The following CABIN1 variants were observed in gnomAD, a reference collection of about 807,000 sequenced individuals.
The protein encoded by CABIN1 is calcineurin binding protein 1, also known as calcineurin-binding protein cabin-1.
CABIN1 carries 133 observed loss-of-function variants against 227.7 expected under a neutral mutation model. The observed-to-expected ratio is 0.58, with a 90% CI of 0.51 to 0.67. The LOEUF is 0.67. Among genes scored for constraint, CABIN1 ranks in the 30% least tolerant of loss-of-function variants. The pLI is 0.00. For synonymous variants in CABIN1, 1,086 were observed against 1,155.1 expected (o/e 0.94, Z 1.21); for missense variants, 2,408 against 2,852.5 (o/e 0.84, Z 3.55).
chr22:24,098,303 T>C (rs2042015823), intron 26 of CABIN1, 111 bp downstream of exon 26: 2 of 1,584,900 alleles, frequency 1.3e-6, no homozygotes, highest in Non-Finnish European at 1.7e-6. Context: ...GTGCTGGGTC[T>C]GGGGTGACAC....
chr22:24,106,816 T>G (rs1227232764), intron 26 of CABIN1, among the ~76,000 whole-genome samples: 1 of 152,238 alleles, frequency 6.6e-6, no homozygotes, highest in African/African-American at 2.4e-5. Context: ...AAGAGCTTTT[T>G]CATTCATCCC....
At chr22:24,076,931 G>C (rs560668228) in intron 19 of CABIN1, among the ~76,000 whole-genome samples, 6 of 152,256 alleles carry the variant, frequency 3.9e-5, no homozygotes, top group Non-Finnish European at 7.4e-5. Flanking sequence ...AGGGACCTCA[G>C]ACCCAGCCTA....
chr22:24,035,403 C>T (rs2036791546), intron 1 of CABIN1, 41 bp from the exon 2 acceptor site: 4 of 1,417,632 alleles, frequency 2.8e-6, no homozygotes, highest in Non-Finnish European at 4.0e-6. Context: ...CTTCCTGGCT[C>T]TTCATAGGCC....
chr22:24,074,367 G>T (rs917936669), intron 18 of CABIN1, among the ~76,000 whole-genome samples: 3 of 152,214 alleles, frequency 2.0e-5, no homozygotes, highest in Admixed American at 1.3e-4. Context: ...AAAAAAGAAA[G>T]ATTCTGGTGG....
At chr22:24,032,233 C>A (rs1236612085) in intron 1 of CABIN1, among the ~76,000 whole-genome samples, 2 of 152,218 alleles carry the variant, frequency 1.3e-5, no homozygotes, top group African/African-American at 4.8e-5. Context: ...TAAGTGGAAT[C>A]ATATAATATT....
chr22:24,089,565 G>A (rs1490276419), intron 23 of CABIN1, among the ~76,000 whole-genome samples: 1 of 152,202 alleles, frequency 6.6e-6, no homozygotes, highest in African/African-American at 2.4e-5. Flanking sequence ...TGCCGAGGGT[G>A]AAAACTACCT....
rs2042932160 is a variant in CABIN1, at chr22:24,113,758, C to T, written c.4300+10C>T. On this transcript the variant is annotated intron_variant, in intron 27 of 36. Transcript: ENST00000263119. The stretch of plus-strand genomic sequence containing the variant: ...GCCACAGAAGAAAGAGGTATGAAGC[C>T]CTAACTCGGTGAATTAGAACCACTT... 1 of 1,613,540 alleles carries T rather than the reference C, an allele frequency of 6.2e-7. No homozygotes were observed. The highest frequency in any genetic ancestry group is 1.7e-5 in the Admixed American group (1 of 60,010).
chr22:24,043,120 G>A, intron 6 of CABIN1, 36 bp downstream of exon 6: 2 of 1,604,086 alleles, frequency 1.2e-6, no homozygotes, highest in South Asian at 2.2e-5. Flanking sequence ...CCATGTGCCA[G>A]TGGTTTTTGG....
At chr22:24,048,241 T>C (rs1007028567) in intron 6 of CABIN1, among the ~76,000 whole-genome samples, 3 of 152,206 alleles carry the variant, frequency 2.0e-5, no homozygotes, top group Admixed American at 2.0e-4. Context: ...ATGTGTATAA[T>C]GGAGTCACAC....
rs146205629 is a variant in CABIN1, at chr22:24,148,743, G to A, written c.4746+14328G>A. Among the ~76,000 whole-genome samples, 509 of 152,352 alleles carry A rather than the reference G, an allele frequency of 3.3e-3. 2 individuals are homozygous for A. The highest frequency in any genetic ancestry group is 5.8e-3 in the Non-Finnish European group (393 of 68,036). On this transcript the variant is annotated intron_variant, in intron 29 of 36. Coordinates refer to ENST00000263119, the MANE Select transcript of CABIN1 (RefSeq NM_012295.4). The stretch of plus-strand genomic sequence containing the variant: ...ATGGAAAACAGATGAAAGGGCAGCT[G>A]TTCCAGCAGAGGCAGGAAGGGCCAG...
At chr22:24,098,289 G>A (rs963975418) in intron 26 of CABIN1, 97 bp downstream of exon 26, 2 of 1,572,178 alleles carry the variant, frequency 1.3e-6, no homozygotes, top group African/African-American at 1.3e-5. Flanking sequence ...TTTGGTGAGG[G>A]GGGGTGCTGG....
chr22:24,085,447 G>A lies in CABIN1; in HGVS notation c.3263+296G>A, dbSNP rs143971013. Among the ~76,000 whole-genome samples, 336 of 152,336 alleles carry A rather than the reference G, an allele frequency of 2.2e-3. 4 individuals are homozygous for A. Among genetic ancestry groups the A allele is most frequent in the African/African-American group, 7.8e-3 (323 of 41,568 alleles). ...TGGACCCTGGTGTGCAGGGCAAGGA[G>A]GCGCAACCTGGCTCCATCCTGTTGG... On this transcript the variant is annotated intron_variant, in intron 22 of 36. Transcript: ENST00000263119.
intron 24 of CABIN1, among the ~76,000 whole-genome samples, chr22:24,094,481 G>A (rs967309545): frequency 3.9e-5 from 6 of 152,190 alleles, no homozygotes; most frequent in Non-Finnish European, 8.8e-5. Context: ...TTGTAGCTAT[G>A]TAACTTTGAG....
chr22:24,112,192 G>GATATC, intron 26 of CABIN1, among the ~76,000 whole-genome samples: 1 of 152,236 alleles, frequency 6.6e-6, no homozygotes, highest in African/African-American at 2.4e-5. Context: ...TTGAATACCA[G>GATATC]ATATCACGTG....
Position 24,087,614 on chromosome 22 carries a change from A to G in CABIN1, c.3426A>G (p.Leu1142=), listed in dbSNP as rs2041251938. 3 of 1,614,166 alleles carry G rather than the reference A, an allele frequency of 1.9e-6. No individual in the cohort carries two copies. Among genetic ancestry groups the G allele is most frequent in the Middle Eastern group, 1.6e-4 (1 of 6,062 alleles). Residue 1142 remains leucine (L), a synonymous_variant, in exon 23 of 37, where the codon CTA becomes CTG. Transcript: ENST00000263119. ...ALEIDSSNLS[L]WIEYGTMSYA... ...AGATTGACAGCTCCAACTTGTCCCTATGGATTGAGTATGGCACCATGTCCT... is the reference window on the plus strand; with the variant it reads ...AGATTGACAGCTCCAACTTGTCCCTGTGGATTGAGTATGGCACCATGTCCT...
At chr22:24,155,320 G>A (rs1034119820) in intron 29 of CABIN1, among the ~76,000 whole-genome samples, 6 of 152,130 alleles carry the variant, frequency 3.9e-5, no homozygotes, top group African/African-American at 1.2e-4. Flanking sequence ...GCCGGAGAGC[G>A]ACCCTCCCTG....
chr22:24,153,243 A>G (rs2148502700), intron 29 of CABIN1, among the ~76,000 whole-genome samples: 1 of 152,324 alleles, frequency 6.6e-6, no homozygotes, highest in East Asian at 1.9e-4. Context: ...GTGGGTGAGC[A>G]TGGCTGGGGT....
chr22:24,066,381 T>C (rs1309848020), intron 15 of CABIN1, among the ~76,000 whole-genome samples: 2 of 152,212 alleles, frequency 1.3e-5, no homozygotes, highest in East Asian at 3.8e-4. Flanking sequence ...GGGCTGGCCA[T>C]GGGGTTGAGT....
At chr22:24,057,061 C>T (rs912329541) in intron 10 of CABIN1, among the ~76,000 whole-genome samples, 19 of 152,220 alleles carry the variant, frequency 1.2e-4, no homozygotes, top group East Asian at 3.9e-4. Context: ...CTCAGCCTCA[C>T]GCATAGCTGG....
Sources: allele counts gnomAD v4.1 joint callset (sites outside exome capture counted in the v4.1 genomes callset), GRCh38; gene constraint gnomAD v4.1.1; transcripts MANE v1.5; gene names NCBI Gene and HGNC (gene_info 2026-07-23, HGNC 2026-07-21).